The following NCOA3 variants were observed in gnomAD, a reference collection of about 807,000 sequenced individuals.
The protein encoded by NCOA3 is CBP-interacting protein.
Under a neutral mutation model 158.8 loss-of-function variants are expected in NCOA3, and 51 were observed. The ratio of observed to expected loss-of-function variants is 0.32; its 90% CI spans 0.26 to 0.41. The LOEUF (loss-of-function observed/expected upper bound fraction) is 0.41. Ranked by LOEUF, NCOA3 falls within the 10% of genes least tolerant of loss-of-function variation. The pLI, the probability that NCOA3 is intolerant of heterozygous loss-of-function variation, is 1.00. For synonymous variants in NCOA3, 537 were observed against 592.4 expected, an observed-to-expected ratio of 0.91 and a Z score of 1.36; for missense variants, 1,510 against 1,746.6, an observed-to-expected ratio of 0.86 and a Z score of 2.41.
intron 1 of NCOA3, among the ~76,000 whole-genome samples, chr20:47,507,366 A>T (rs1299165929): frequency 6.6e-6 from 1 of 152,232 alleles, no homozygotes; most frequent in Non-Finnish European, 1.5e-5. Flanking sequence ...AAAAGAAAGC[A>T]TGTTGAGCTG....
At chr20:47,604,468 C>T (rs192736792) in intron 2 of NCOA3, among the ~76,000 whole-genome samples, 1 of 152,262 alleles carries the variant, frequency 6.6e-6, no homozygotes, top group African/African-American at 2.4e-5. Context: ...GACAAGTATC[C>T]CATGTCTGTC....
rs761006020 is a variant in NCOA3, at chr20:47,623,908, T to C, written c.84-3T>C. On this transcript the variant is annotated splice_region_variant and splice_polypyrimidine_tract_variant and intron_variant, in intron 3 of 22. Transcript: ENST00000371998. ...TCCCCCCTTTCTACGCCTTTTCCCT[T>C]AGTCTTACCTGCAGTGGTGAAAAAC... is the stretch of plus-strand genomic sequence containing the variant. The C allele has an allele frequency of 1.2e-6, 2 of 1,608,292 alleles. No homozygotes were observed. Among genetic ancestry groups the C allele is most frequent in the Non-Finnish European group, 1.7e-6 (2 of 1,178,760 alleles).
chr20:47,618,629 C>A (rs2086185075), intron 2 of NCOA3, among the ~76,000 whole-genome samples: 1 of 152,194 alleles, frequency 6.6e-6, no homozygotes, highest in South Asian at 2.1e-4. Context: ...GCTGGGATTA[C>A]ATGCATGAGG....
At chr20:47,598,995 T>C (rs1393500152) in intron 2 of NCOA3, among the ~76,000 whole-genome samples, 1 of 152,224 alleles carries the variant, frequency 6.6e-6, no homozygotes, top group Non-Finnish European at 1.5e-5. Context: ...TTGCCTGCGC[T>C]ATTCAATATA....
At chr20:47,502,312 C>T (rs891749660) in intron 1 of NCOA3, among the ~76,000 whole-genome samples, 2 of 152,086 alleles carry the variant, frequency 1.3e-5, no homozygotes, top group Admixed American at 6.5e-5. Context: ...GAGGAGTTTG[C>T]GGGGGGACTG....
At chr20:47,558,183 C>T (rs1255052301) in intron 1 of NCOA3, among the ~76,000 whole-genome samples, 5 of 150,258 alleles carry the variant, frequency 3.3e-5, no homozygotes, top group South Asian at 2.1e-4. Flanking sequence ...CTCAGCCTCC[C>T]GAGTAGCTAG....
At chr20:47,621,918 C>A (rs906230591) in intron 2 of NCOA3, among the ~76,000 whole-genome samples, 4 of 152,054 alleles carry the variant, frequency 2.6e-5, no homozygotes, top group Admixed American at 6.6e-5. Flanking sequence ...CTCAGGTGAT[C>A]CACCTGCCTC....
intron 2 of NCOA3, among the ~76,000 whole-genome samples, chr20:47,617,445 G>C (rs571135086): frequency 6.6e-6 from 1 of 152,244 alleles, no homozygotes; most frequent in East Asian, 1.9e-4. Context: ...CATGGTCTTG[G>C]TACCTGCCTT....
At chr20:47,530,590 G>A (rs1211417563) in intron 1 of NCOA3, among the ~76,000 whole-genome samples, 2 of 151,144 alleles carry the variant, frequency 1.3e-5, no homozygotes, top group South Asian at 2.1e-4. Flanking sequence ...AGCCTCCCAA[G>A]TAGCTGGGAT....
intron 2 of NCOA3, among the ~76,000 whole-genome samples, chr20:47,594,618 T>G (rs1268953302): frequency 1.5e-5 from 2 of 131,036 alleles, no homozygotes; most frequent in African/African-American, 3.0e-5. Flanking sequence ...TGAGTGGAGA[T>G]TGTGCCACTG....
chr20:47,617,248 G>A (rs1373764766), intron 2 of NCOA3, among the ~76,000 whole-genome samples: 3 of 152,170 alleles, frequency 2.0e-5, no homozygotes, highest in Non-Finnish European at 2.9e-5. Flanking sequence ...GAGCCACCGC[G>A]CCTGGCCTAG....
intron 1 of NCOA3, among the ~76,000 whole-genome samples, chr20:47,540,573 CAA>C (rs3091666): frequency 2.3e-3 from 320 of 139,208 alleles, no homozygotes; most frequent in Middle Eastern, 0.011. Context: ...ACTCTTGTCT[CAA>C]AAAAAAAAAA....
chr20:47,506,806 T>C (rs1017862297), intron 1 of NCOA3, among the ~76,000 whole-genome samples: 1 of 152,154 alleles, frequency 6.6e-6, no homozygotes, highest in Non-Finnish European at 1.5e-5. Context: ...TTTATTGATA[T>C]GTTCTAGGAA....
rs563068402 is a variant in NCOA3, at chr20:47,511,467, T to C, written c.-99+9448T>C. Reference sequence around the variant, plus strand: ...TCTCTCTTTGTCACCCAGGCTGGAGTGCAGTGGCGTGTTCTTGGCTATATA... The same window carrying C: ...TCTCTCTTTGTCACCCAGGCTGGAGCGCAGTGGCGTGTTCTTGGCTATATA... On this transcript the variant is annotated intron_variant, in intron 1 of 22. Transcript: ENST00000371998. 3.7e-4 allele frequency among the ~76,000 whole-genome samples: 45 copies of C among 122,540 alleles called. 1 individual carries two copies. Among genetic ancestry groups the C allele is most frequent in the Non-Finnish European group, 6.6e-4 (40 of 60,166 alleles). 80.4% of individuals were successfully genotyped at this position (122,540 alleles called of 152,430 possible). A position where few individuals can be genotyped will look rare whatever the true frequency, so the allele number is the denominator to read the frequency against.
intron 1 of NCOA3, among the ~76,000 whole-genome samples, chr20:47,581,151 AAATATT>A (rs1324481169): frequency 2.6e-5 from 4 of 152,156 alleles, no homozygotes; most frequent in Admixed American, 6.6e-5. Flanking sequence ...AAATTATTAA[AAATATT>A]ATATAAAATT....
At chr20:47,539,300 A>C (rs571334532) in intron 1 of NCOA3, among the ~76,000 whole-genome samples, 2 of 152,290 alleles carry the variant, frequency 1.3e-5, no homozygotes, top group African/African-American at 4.8e-5. Context: ...TGGTCATACC[A>C]TCGTACTATA....
chr20:47,642,427 T>C, intron 17 of NCOA3, 43 bp downstream of exon 17: 1 of 1,463,636 alleles, frequency 6.8e-7, no homozygotes. Flanking sequence ...TATATTTGTG[T>C]GTGTGCGCGC....
chr20:47,531,644 C>T (rs1174609640), intron 1 of NCOA3, among the ~76,000 whole-genome samples: 1 of 152,172 alleles, frequency 6.6e-6, no homozygotes, highest in Non-Finnish European at 1.5e-5. Context: ...ACAGTCTCAT[C>T]CTTCCTCTTG....
At chr20:47,509,518 C>T (rs181801090) in intron 1 of NCOA3, among the ~76,000 whole-genome samples, 1 of 152,300 alleles carries the variant, frequency 6.6e-6, no homozygotes, top group African/African-American at 2.4e-5. Flanking sequence ...GTGTTACTTT[C>T]TTTACTCTCA....
Sources: gnomAD v4.1 joint callset for allele counts (sites outside exome capture counted in the v4.1 genomes callset) on GRCh38, gnomAD v4.1.1 for gene constraint, MANE v1.5 for transcripts, NCBI Gene and HGNC (gene_info 2026-07-23, HGNC 2026-07-21) for gene names.